The following LRGUK variants were observed in gnomAD, a reference collection of about 807,000 sequenced individuals.
LRGUK encodes leucine-rich repeat and guanylate kinase domain-containing protein.
LRGUK carries 65 observed loss-of-function variants against 76.0 expected under a neutral mutation model. The ratio of observed to expected loss-of-function variants is 0.85; its 90% confidence interval spans 0.70 to 1.05. The LOEUF (loss-of-function observed/expected upper bound fraction) is 1.05. LRGUK is among the 50% of genes least tolerant of loss of function. The pLI is 0.00. For synonymous variants in LRGUK, 268 were observed against 265.6 expected (o/e 1.01, Z -0.09); for missense variants, 758 against 732.8 (o/e 1.03, Z -0.40).
In LRGUK at chr7:134,263,419, C is replaced by CTGTGTGTGTGTGTGTGTGTGTGTG. The variant is rs60637538; in HGVS notation, c.2348-420_2348-419insTGTGTGTGTGTGTGTGTGTGTGTG. 4.1e-3 allele frequency among the ~76,000 whole-genome samples: 608 copies of CTGTGTGTGTGTGTGTGTGTGTGTG among 149,606 alleles called. 5 individuals are homozygous for CTGTGTGTGTGTGTGTGTGTGTGTG. The highest frequency in any genetic ancestry group is 0.011 in the African/African-American group (462 of 41,076). The stretch of plus-strand genomic sequence containing the variant: ...TTCACTTCACTGTGTGTGTGTGTGT[C>CTGTGTGTGTGTGTGTGTGTGTGTG]TGTGTGCATGTGTATGATTGTGAAA... On this transcript the variant is annotated intron_variant, in intron 19 of 19. Transcript: ENST00000285928.
intron 16 of LRGUK, among the ~76,000 whole-genome samples, chr7:134,236,124 A>C (rs1391979235): frequency 6.6e-6 from 1 of 152,168 alleles, no homozygotes; most frequent in African/African-American, 2.4e-5. Flanking sequence ...AAATTAAAAA[A>C]CAAGGAAAAT....
chr7:134,201,569 A>C (rs1235988461), exon 15 of LRGUK: 1 of 1,612,062 alleles, frequency 6.2e-7, no homozygotes, highest in African/African-American at 1.3e-5. Context: ...GTTTGGCTAC[A>C]ACTGCAGGTA....
chr7:134,214,458 T>G (rs942619813), downstream of LRGUK, among the ~76,000 whole-genome samples: 4 of 152,232 alleles, frequency 2.6e-5, no homozygotes, highest in African/African-American at 9.6e-5. Context: ...TTCATATCAG[T>G]GTTTTTTATG....
At position 134,237,476 on chromosome 7, in the gene LRGUK, C is replaced by T. The variant is rs533391053; in HGVS notation, c.1984-10080C>T. Among the ~76,000 whole-genome samples, 9 of 152,212 alleles carry T rather than the reference C, an allele frequency of 5.9e-5. No homozygotes were observed. The South Asian group carries it at 1.0e-3, about 18-fold the overall frequency. On this transcript the variant is annotated intron_variant, in intron 16 of 19. Transcript: ENST00000285928. ...AGCATATTTGAAGGATACCACCCACCGCATTTTTTATCCTTATTGAAATTC... is the reference window on the plus strand; with the variant it reads ...AGCATATTTGAAGGATACCACCCACTGCATTTTTTATCCTTATTGAAATTC...
At chr7:134,219,631 G>A (rs1235561749) in intron 15 of LRGUK, among the ~76,000 whole-genome samples, 1 of 151,976 alleles carries the variant, frequency 6.6e-6, no homozygotes, top group Non-Finnish European at 1.5e-5. Flanking sequence ...ACATCAACAG[G>A]ACAAGGGATT....
intron 16 of LRGUK, among the ~76,000 whole-genome samples, chr7:134,239,270 C>T (rs185748530): frequency 1.7e-3 from 263 of 152,298 alleles, no homozygotes; most frequent in African/African-American, 5.9e-3. Context: ...ACCCGGGAAG[C>T]GCAAGGAGTC....
chr7:134,143,149 C>T (rs371889387), exon 4 of LRGUK: 1 of 1,599,782 alleles, frequency 6.3e-7, no homozygotes, highest in Non-Finnish European at 8.6e-7. Flanking sequence ...TTCAAGCCAC[C>T]CAAAAACCTC....
At chr7:134,169,997 C>T (rs1369729729) in intron 7 of LRGUK, among the ~76,000 whole-genome samples, 1 of 152,056 alleles carries the variant, frequency 6.6e-6, no homozygotes, top group Non-Finnish European at 1.5e-5. Flanking sequence ...ATTATAAGCA[C>T]ATCTTACTAC....
chr7:134,272,159 T>C, the LRGUK span, among the ~76,000 whole-genome samples: 6 of 152,138 alleles, frequency 3.9e-5, no homozygotes, highest in East Asian at 9.6e-4. Context: ...GTAGATAAAC[T>C]TCTTTGGAAA....
intron 19 of LRGUK, among the ~76,000 whole-genome samples, chr7:134,259,818 C>G (rs1169482433): frequency 1.3e-5 from 2 of 152,178 alleles, no homozygotes; most frequent in African/African-American, 4.8e-5. Flanking sequence ...GGACCTGCCA[C>G]TCCAGGGCCC....
At chr7:134,227,931 A>G (rs905637210) in intron 16 of LRGUK, among the ~76,000 whole-genome samples, 5 of 152,170 alleles carry the variant, frequency 3.3e-5, no homozygotes, top group African/African-American at 1.2e-4. Flanking sequence ...TCCTAAAAGG[A>G]GAGAAGAAGT....
intron 7 of LRGUK, among the ~76,000 whole-genome samples, chr7:134,164,549 G>T (rs574652477): frequency 6.6e-6 from 1 of 152,184 alleles, no homozygotes; most frequent in African/African-American, 2.4e-5. Context: ...GGTCTACAAC[G>T]TTATTTTATT....
exon 8 of LRGUK, chr7:134,174,618 T>C (rs752290431): frequency 1.3e-6 from 2 of 1,597,582 alleles, no homozygotes; most frequent in Non-Finnish European, 1.7e-6. Context: ...TTCTCAATCT[T>C]CTAGAAAATC....
At chr7:134,161,544 A>G (rs1484397018) in intron 6 of LRGUK, among the ~76,000 whole-genome samples, 1 of 152,154 alleles carries the variant, frequency 6.6e-6, no homozygotes, top group African/African-American at 2.4e-5. Flanking sequence ...TAAAAGCCAT[A>G]TAATTATATT....
chr7:134,227,617 G>A (rs1224511208), intron 16 of LRGUK, among the ~76,000 whole-genome samples: 1 of 152,124 alleles, frequency 6.6e-6, no homozygotes, highest in East Asian at 1.9e-4. Flanking sequence ...AAGCCTCCAA[G>A]CATTGATGTT....
chr7:134,263,199 A>G (rs562310477), intron 19 of LRGUK, among the ~76,000 whole-genome samples: 1 of 151,900 alleles, frequency 6.6e-6, no homozygotes, highest in Admixed American at 6.6e-5. Context: ...TACTTTCTCA[A>G]TCCCTGCTAC....
intron 19 of LRGUK, among the ~76,000 whole-genome samples, chr7:134,259,653 G>A (rs1802670088): frequency 6.6e-6 from 1 of 152,172 alleles, no homozygotes; most frequent in Non-Finnish European, 1.5e-5. Context: ...TAGCTGGCTG[G>A]AATAAGAGAT....
At chr7:134,216,052 A>G (rs193143537) in intron 15 of LRGUK, among the ~76,000 whole-genome samples, 4 of 152,340 alleles carry the variant, frequency 2.6e-5, no homozygotes, top group Admixed American at 2.0e-4. Flanking sequence ...CATTTGCATT[A>G]CAATCTAGCC....
intron 10 of LRGUK, among the ~76,000 whole-genome samples, chr7:134,181,234 C>T (rs571886393): frequency 6.6e-6 from 1 of 152,188 alleles, no homozygotes; most frequent in East Asian, 1.9e-4. Context: ...CATGTTATAA[C>T]AATGTATGCC....
Sources: gnomAD v4.1 joint callset for allele counts (sites outside exome capture counted in the v4.1 genomes callset) on GRCh38, gnomAD v4.1.1 for gene constraint, MANE v1.5 for transcripts, NCBI Gene and HGNC (gene_info 2026-07-23, HGNC 2026-07-21) for gene names.